Variants in MED25 observed in about 807,000 individuals in gnomAD.
MED25 encodes the protein mediator of RNA polymerase II transcription subunit 25.
MED25 carries 62 observed loss-of-function variants against 89.4 expected under a neutral mutation model. That is an observed-to-expected ratio of 0.69 (90% confidence interval 0.57 to 0.86). The LOEUF (loss-of-function observed/expected upper bound fraction) is 0.86, where lower values mean the gene tolerates loss of function less well. Ranked by LOEUF, MED25 falls within the 40% of genes least tolerant of loss-of-function variation. The pLI is 0.00. For missense variants in MED25, 905 were observed against 1,005.2 expected (o/e 0.90, Z 1.35); for synonymous variants, 449 against 427.9 (o/e 1.05, Z -0.61).
At chr19:49,826,969 C>A (rs1050943138) in intron 3 of MED25, among the ~76,000 whole-genome samples, 2 of 152,132 alleles carry the variant, frequency 1.3e-5, no homozygotes, top group African/African-American at 4.8e-5. Context: ...CACGGTTGGG[C>A]CTGTAGACGT....
rs569654491 is a variant in MED25, at chr19:49,829,470, G to A, written c.526-316G>A. ...ATTTTTGTATCTTTAGTAGAGATGA[G>A]GTTTCACCATGTTGGCCAGACTGCT... On this transcript the variant is annotated intron_variant, in intron 5 of 17. Transcript: ENST00000312865. This position sits in a 1 kb window ranked among gnomAD's most constrained non-coding sequence, Gnocchi z 4.6. Among the ~76,000 whole-genome samples the A allele has an allele frequency of 3.5e-4, 54 of 152,230 alleles. No individual in the cohort carries two copies. The highest frequency in any genetic ancestry group is 3.5e-3 in the Admixed American group (54 of 15,288).
Position 49,818,365 on chromosome 19 carries a change from G to A in MED25, c.24G>A (p.Pro8=), listed in dbSNP as rs748649337. 1 of 1,606,630 alleles carries A rather than the reference G, an allele frequency of 6.2e-7. No individual in the cohort carries two copies. The highest frequency in any genetic ancestry group is 8.5e-7 in the Non-Finnish European group (1 of 1,176,576). The change falls in exon 1 of 18, where the codon CCG becomes CCA. Residue 8 remains proline (P), a synonymous_variant. Coordinates refer to ENST00000312865, the MANE Select transcript of MED25 (RefSeq NM_030973.4). MVPGSEG[P]ARAGSVVADV... ...GTATGGTCCCCGGGTCCGAGGGCCC[G>A]GCCCGCGCCGGGAGCGTGGTGGCCG...
In MED25 at chr19:49,831,309, GC is replaced by G; in HGVS notation, c.1102-21del. 6.2e-7 allele frequency: 1 copy of G among 1,606,448 alleles called. No individual in the cohort carries two copies. On this transcript the variant is annotated intron_variant, in intron 9 of 17. Coordinates refer to ENST00000312865, the MANE Select transcript of MED25 (RefSeq NM_030973.4). This position sits in a 1 kb window ranked among gnomAD's most constrained non-coding sequence, Gnocchi z 5.0. Reference sequence around the variant, plus strand: ...GCTCCCGGCCTTCCCCATTCTCATGGCCCTCCTTCCTCCCCTCTGGCAGGCA... The same window carrying G: ...GCTCCCGGCCTTCCCCATTCTCATGGCCTCCTTCCTCCCCTCTGGCAGGCA...
Position 49,832,155 on chromosome 19 carries a change from C to A in MED25, c.1372C>A (p.Leu458Met). 6.2e-7 allele frequency: 1 copy of A among 1,612,660 alleles called. No homozygotes were observed. The highest frequency in any genetic ancestry group is 8.5e-7 in the Non-Finnish European group (1 of 1,179,968). Reference sequence around the variant, plus strand: ...CATGCAGCTCATCCCCCAGCAGCTGCTGGTGAGTGGCGGTGGAGGGCCAGC... The same window carrying A: ...CATGCAGCTCATCCCCCAGCAGCTGATGGTGAGTGGCGGTGGAGGGCCAGC... ...LIMQLIPQQL[L>M]TTLGPLFRNS... The change falls in exon 12 of 18, where the codon CTG (leucine) becomes ATG (methionine). Residue 458 changes from leucine to methionine, a missense_variant and splice_region_variant. Leu to Met is a conservative substitution (Grantham distance 15). Around this residue, in one of 3 missense-constraint regions of MED25, gnomAD observed 133 missense variants for 220.2 expected, o/e 0.60. Transcript: ENST00000312865.
intron 4 of MED25, among the ~76,000 whole-genome samples, 174 bp downstream of exon 4, chr19:49,828,721 C>T (rs1478444687): frequency 6.6e-6 from 1 of 152,222 alleles, no homozygotes; most frequent in Non-Finnish European, 1.5e-5. Context: ...CTGGCCAGTG[C>T]CCGGTCTCAG....
chr19:49,838,145 C>T (rs186276558), downstream of MED25, among the ~76,000 whole-genome samples: 13 of 152,288 alleles, frequency 8.5e-5, no homozygotes, highest in South Asian at 2.1e-4. Flanking sequence ...TGCTGGTTAA[C>T]GTACAGATTC....
rs2074086058 is a variant in MED25, at chr19:49,835,129, C to T, written c.1626C>T (p.Thr542=). 6.2e-7 allele frequency: 1 copy of T among 1,613,996 alleles called. No individual in the cohort carries two copies. Among genetic ancestry groups the T allele is most frequent in the Non-Finnish European group, 8.5e-7 (1 of 1,180,022 alleles). The change falls in exon 14 of 18, where the codon ACC becomes ACT. Residue 542 remains threonine, a synonymous_variant. Transcript: ENST00000312865. The surrounding 1 kb of genome is among the most constrained non-coding windows in gnomAD (Gnocchi z 6.2). ...TCAACGGCATCCGGCAGGTCATCAC[C>T]AACCACAAGCAGGTCCAGCAGCAGA... ...GFVNGIRQVI[T]NHKQVQQQKL... is the part of the protein sequence containing the mutation.
At position 49,835,731 on chromosome 19, in the gene MED25, A is replaced by T; in HGVS notation, c.1751A>T (p.Gln584Leu). The T allele has an allele frequency of 2.5e-6, 4 of 1,609,634 alleles. No homozygotes were observed. The highest frequency in any genetic ancestry group is 3.4e-6 in the Non-Finnish European group (4 of 1,178,580). Reference protein sequence around the residue: ...DQARPSQNLLQLRPPQPQPQG... With the variant: ...DQARPSQNLLLLRPPQPQPQG... ...CCCTGTGTCTCTTCCCACCAGCTCC[A>T]GCTCCGCCCACCGCAGCCCCAGCCT... The change falls in exon 16 of 18, where the codon CAG becomes CTG. Residue 584 changes from glutamine (Q) to leucine (L), a missense_variant. This residue lies in a region of MED25 where 271 missense variants were observed against 258.1 expected (regional missense o/e 1.05). Coordinates refer to ENST00000312865, the MANE Select transcript of MED25 (RefSeq NM_030973.4). This position sits in a 1 kb window ranked among gnomAD's most constrained non-coding sequence, Gnocchi z 6.2.
At chr19:49,828,348 C>T (rs1450522434) in intron 3 of MED25, 101 bp from the exon 4 acceptor site, 3 of 828,808 alleles carry the variant, frequency 3.6e-6, no homozygotes, top group Non-Finnish European at 6.3e-6. Flanking sequence ...AGGTGCATAG[C>T]CCAGGATAGA....
chr19:49,834,556 G>A lies in MED25; in HGVS notation c.1483-430G>A. 1 of 291,208 alleles carries A rather than the reference G, an allele frequency of 3.4e-6. No individual in the cohort carries two copies. Among genetic ancestry groups the A allele is most frequent in the Non-Finnish European group, 6.8e-6 (1 of 147,346 alleles). 18.0% of individuals were successfully genotyped at this position (291,208 alleles called of 1,614,324 possible). A position where few individuals can be genotyped will look rare whatever the true frequency, so the allele number is the denominator to read the frequency against. ...TGGTGTACACTGGCCGGTGCTGAGG[G>A]CTGGAGGATCTCTTGGATACCCGGG... On this transcript the variant is annotated intron_variant, in intron 13 of 17. Coordinates refer to ENST00000312865, the MANE Select transcript of MED25 (RefSeq NM_030973.4). This position sits in a 1 kb window ranked among gnomAD's most constrained non-coding sequence, Gnocchi z 4.1.
At chr19:49,838,724 G>A (rs1399646371), downstream of MED25, 2 of 456,522 alleles carry the variant, frequency 4.4e-6, no homozygotes, top group African/African-American at 2.0e-5. Flanking sequence ...AACCTGAAAC[G>A]CCACTATGAA....
downstream of MED25, chr19:49,838,869 T>TA: frequency 2.4e-6 from 1 of 411,116 alleles, no homozygotes; most frequent in East Asian, 7.1e-5. Flanking sequence ...GCGGCAGTGG[T>TA]ACGCCGTTCC....
chr19:49,823,440 T>C (rs774642639), intron 3 of MED25, among the ~76,000 whole-genome samples: 3 of 152,196 alleles, frequency 2.0e-5, no homozygotes, highest in African/African-American at 4.8e-5. Flanking sequence ...TTTAATACAG[T>C]GCCTGGCATG....
At chr19:49,826,676 A>G (rs2074017950) in intron 3 of MED25, among the ~76,000 whole-genome samples, 1 of 152,170 alleles carries the variant, frequency 6.6e-6, no homozygotes, top group African/African-American at 2.4e-5. Flanking sequence ...CGGGTGATCT[A>G]TGATGTGACT....
At position 49,831,253 on chromosome 19, in the gene MED25, C is replaced by A; in HGVS notation, c.1102-80C>A. ...CAGAAGAAGGGATCTTTCCTCCTTC[C>A]TGGTTTGCCCTCACAGGATGGCCCC... On this transcript the variant is annotated intron_variant, in intron 9 of 17. Transcript: ENST00000312865. The surrounding 1 kb of genome is among the most constrained non-coding windows in gnomAD (Gnocchi z 5.0). 3 of 1,463,744 alleles carry A rather than the reference C, an allele frequency of 2.0e-6. No homozygotes were observed. In the East Asian group the frequency reaches 7.2e-5, roughly 35 times the overall value. The allele number at this position is 1,463,744 out of a possible 1,614,324, so 90.7% of individuals were successfully genotyped here.
chr19:49,835,205 A>C lies in MED25; in HGVS notation c.1674+28A>C. 3 of 1,612,070 alleles carry C rather than the reference A, an allele frequency of 1.9e-6. No individual in the cohort carries two copies. Among genetic ancestry groups the C allele is most frequent in the Non-Finnish European group, 8.5e-7 (1 of 1,179,090 alleles). On this transcript the variant is annotated intron_variant, in intron 14 of 17. Coordinates refer to ENST00000312865, the MANE Select transcript of MED25 (RefSeq NM_030973.4). The surrounding 1 kb of genome is among the most constrained non-coding windows in gnomAD (Gnocchi z 6.2). The stretch of plus-strand genomic sequence containing the variant: ...GAGTGTTGACAGTCCCCAAACCAGC[A>C]CTCCGACCCCCTCCTGCCCGGGCCC...
In MED25 at chr19:49,818,419, C is replaced by T. The variant is rs927926239; in HGVS notation, c.78C>T (p.Ala26=). 6 of 1,614,056 alleles carry T rather than the reference C, an allele frequency of 3.7e-6. No homozygotes were observed. The Admixed American group carries it at 8.3e-5, about 22-fold the overall frequency. Residue 26 remains alanine (A), a synonymous_variant, in exon 1 of 18, where the codon GCC becomes GCT. Transcript: ENST00000312865. ...ADVVFVIEGT[A]NLGPYFEGLR... is the part of the protein sequence containing the mutation. ...TGGTGTTTGTGATTGAGGGTACGGC[C>T]AACCTGGGACCCTACTTCGAGGGGC...
In MED25 at chr19:49,836,024, G is replaced by A; in HGVS notation, c.1965+79G>A. 6.4e-7 allele frequency: 1 copy of A among 1,568,738 alleles called. No homozygotes were observed. The highest frequency in any genetic ancestry group is 2.4e-5 in the East Asian group (1 of 41,786). On this transcript the variant is annotated intron_variant, in intron 16 of 17. Coordinates refer to ENST00000312865, the MANE Select transcript of MED25 (RefSeq NM_030973.4). This position sits in a 1 kb window ranked among gnomAD's most constrained non-coding sequence, Gnocchi z 5.1. ...TGGTCCTGTTGTCTGGGAGGAGGGA[G>A]GTTGACTGTGGTCAGTGGGTGTGAA...
Position 49,836,365 on chromosome 19 carries a change from A to G in MED25, c.2105A>G (p.Gln702Arg). Residue 702 changes from glutamine (Q) to arginine (R), a missense_variant, in exon 17 of 18, where the codon CAG (glutamine) becomes CGG (arginine). Transcript: ENST00000312865. This position sits in a 1 kb window ranked among gnomAD's most constrained non-coding sequence, Gnocchi z 5.1. Reference sequence around the variant, plus strand: ...CCACTCCTGCATCCACCACCTGCCCAGTCCTGGCCCGCACAACTTCCCCCT... The same window carrying G: ...CCACTCCTGCATCCACCACCTGCCCGGTCCTGGCCCGCACAACTTCCCCCT... ...GPPLLHPPPA[Q>R]SWPAQLPPRA... is the part of the protein sequence containing the mutation. 6.2e-7 allele frequency: 1 copy of G among 1,607,812 alleles called. No homozygotes were observed. The highest frequency in any genetic ancestry group is 8.5e-7 in the Non-Finnish European group (1 of 1,177,536).
Sources: gnomAD v4.1 joint callset for allele counts (sites outside exome capture counted in the v4.1 genomes callset) on GRCh38, gnomAD v4.1.1 for gene constraint, gnomAD v4.1.1 regional missense constraint, Gnocchi (gnomAD v3.1) non-coding constraint, MANE v1.5 for transcripts, NCBI Gene and HGNC (gene_info 2026-07-23, HGNC 2026-07-21) for gene names.